Variants in DNAH10 observed in about 807,000 individuals in gnomAD.
DNAH10 encodes the protein dynein axonemal heavy chain 10.
Under a neutral mutation model 506.6 loss-of-function variants are expected in DNAH10, and 348 were observed. That is an observed-to-expected ratio of 0.69 (90% CI 0.63 to 0.75). DNAH10 has a LOEUF of 0.75. Among genes scored for constraint, DNAH10 ranks in the 30% least tolerant of loss-of-function variants. DNAH10 has a pLI of 0.00. For synonymous variants in DNAH10, 2,059 were observed against 2,198.6 expected (o/e 0.94, Z 1.78); for missense variants, 5,179 against 5,787.1 (o/e 0.89, Z 3.41).
chr12:123,836,405 G>T (rs1961132621), intron 28 of DNAH10, among the ~76,000 whole-genome samples: 1 of 152,156 alleles, frequency 6.6e-6, no homozygotes, highest in Non-Finnish European at 1.5e-5. Context: ...ACAGGTTCTT[G>T]CCTAATGCTT....
chr12:123,906,418 T>A (rs1252335039), intron 57 of DNAH10, among the ~76,000 whole-genome samples: 1 of 151,930 alleles, frequency 6.6e-6, no homozygotes, highest in Non-Finnish European at 1.5e-5. Flanking sequence ...ATGTTTGTAT[T>A]TTTAGTAGAG....
Position 123,916,852 on chromosome 12 carries a change from A to C in DNAH10, c.11002+116A>C. The C allele has an allele frequency of 1.3e-4, 168 of 1,293,248 alleles. No individual in the cohort carries two copies. The highest frequency in any genetic ancestry group is 1.5e-4 in the Non-Finnish European group (145 of 959,802). The allele number at this position is 1,293,248 out of a possible 1,614,324, so 80.1% of individuals were successfully genotyped here. On this transcript the variant is annotated intron_variant, in intron 63 of 78. Transcript: ENST00000673944. The surrounding 1 kb of genome is among the most constrained non-coding windows in gnomAD (Gnocchi z 4.6). ...CTCAGTGACCCCAGATCATTCTCTC[A>C]TAGGCACATCTGGACTAGTCAGCTC...
In DNAH10 at chr12:123,803,714, C is replaced by G. The variant is rs775181714; in HGVS notation, c.2668C>G (p.Leu890Val). The G allele has an allele frequency of 5.0e-6, 8 of 1,610,680 alleles. No individual in the cohort carries two copies. Among genetic ancestry groups the G allele is most frequent in the Non-Finnish European group, 6.8e-6 (8 of 1,179,052 alleles). ...CKQAIGKFES[L>V]VHQIHKNADD... ...ACAGGCCATTGGGAAATTTGAGTCT[C>G]TCGTCCACCAGATTCATAAGAATGC... The change falls in exon 17 of 79, where the codon CTC (leucine) becomes GTC (valine). Residue 890 changes from leucine to valine, a missense_variant. By Grantham distance (32) the Leu-to-Val change is conservative. This residue lies in a region of DNAH10 where 4,844 missense variants were observed against 5,430.5 expected (regional missense o/e 0.89). Coordinates refer to ENST00000673944, the MANE Select transcript of DNAH10 (RefSeq NM_001372106.1).
rs1957831232 is a variant in DNAH10, at chr12:123,785,870, T to C, written c.1355T>C (p.Met452Thr). 3 of 1,614,164 alleles carry C rather than the reference T, an allele frequency of 1.9e-6. No homozygotes were observed. The highest frequency in any genetic ancestry group is 1.3e-5 in the African/African-American group (1 of 75,060). ...AAAGACGAGAGGATGATTCCGCTCATGGAGCGCATCGCCTGGGAAATCGCT... is the reference window on the plus strand; with the variant it reads ...AAAGACGAGAGGATGATTCCGCTCACGGAGCGCATCGCCTGGGAAATCGCT... The part of the protein sequence containing the change: ...YNKDERMIPL[M>T]ERIAWEIAER... The change falls in exon 9 of 79, where the codon ATG becomes ACG. Residue 452 changes from methionine to threonine, a missense_variant. By Grantham distance (81) the Met-to-Thr change is moderately conservative (BLOSUM62 -1). Around this residue, in one of 3 missense-constraint regions of DNAH10, gnomAD observed 4,844 missense variants for 5,430.5 expected, o/e 0.89. Transcript: ENST00000673944. This position sits in a 1 kb window ranked among gnomAD's most constrained non-coding sequence, Gnocchi z 4.1.
In DNAH10 at chr12:123,922,234, G is replaced by A. The variant is rs566840236; in HGVS notation, c.11507-1529G>A. Among the ~76,000 whole-genome samples the A allele has an allele frequency of 1.1e-4, 16 of 151,652 alleles. 1 individual carries two copies. Among genetic ancestry groups the A allele is most frequent in the African/African-American group, 3.2e-4 (13 of 41,088 alleles). Reference sequence around the variant, plus strand: ...CTAAAAATACAAAAATTAGCTGGGCGTGTTGGCAGGCACCTGTAGTCCCAG... The same window carrying A: ...CTAAAAATACAAAAATTAGCTGGGCATGTTGGCAGGCACCTGTAGTCCCAG... On this transcript the variant is annotated intron_variant, in intron 65 of 78. Transcript: ENST00000673944.
At chr12:123,825,829 G>A (rs1199319951) in intron 24 of DNAH10, among the ~76,000 whole-genome samples, 1 of 152,176 alleles carries the variant, frequency 6.6e-6, no homozygotes, top group East Asian at 1.9e-4. Context: ...CAATAAAGCT[G>A]TTAGAAAAAC....
chr12:123,867,205 G>A (rs1951845564), intron 41 of DNAH10, among the ~76,000 whole-genome samples: 1 of 152,162 alleles, frequency 6.6e-6, no homozygotes, highest in African/African-American at 2.4e-5. Context: ...AATGGGACCT[G>A]TTATCTTCCC....
In DNAH10 at chr12:123,928,856, G is replaced by C. The variant is rs1012285080; in HGVS notation, c.12306+269G>C. On this transcript the variant is annotated intron_variant, in intron 70 of 78. Transcript: ENST00000673944. The surrounding 1 kb of genome is among the most constrained non-coding windows in gnomAD (Gnocchi z 4.9). ...TACGCTACTTTTCATAAACTTCACG[G>C]CCCCCCCCCCCACACACAGCCTGCA... 8.8e-5 allele frequency: 37 copies of C among 419,808 alleles called. No individual in the cohort carries two copies. The highest frequency in any genetic ancestry group is 2.1e-4 in the South Asian group (6 of 27,990). The allele number at this position is 419,808 out of a possible 1,614,324, so 26.0% of individuals were successfully genotyped here.
chr12:123,793,465 A>G (rs533770492), intron 11 of DNAH10, among the ~76,000 whole-genome samples: 13 of 151,670 alleles, frequency 8.6e-5, no homozygotes, highest in South Asian at 8.3e-4. Flanking sequence ...CAGCCTCCAG[A>G]GTACCTGGGA....
intron 26 of DNAH10, among the ~76,000 whole-genome samples, chr12:123,832,847 T>C (rs1483799585): frequency 2.0e-5 from 3 of 152,150 alleles, no homozygotes; most frequent in Non-Finnish European, 4.4e-5. Context: ...CTGTAAAATG[T>C]GGGTGATAAT....
At chr12:123,819,960 C>A (rs879731151) in intron 23 of DNAH10, among the ~76,000 whole-genome samples, 6 of 152,122 alleles carry the variant, frequency 3.9e-5, no homozygotes, top group South Asian at 2.1e-4. Context: ...CCGCCTCAGC[C>A]TCCCAAAGTG....
chr12:123,786,671 A>AGG (rs1957864873), intron 9 of DNAH10, among the ~76,000 whole-genome samples: 2 of 150,096 alleles, frequency 1.3e-5, no homozygotes, highest in Admixed American at 1.3e-4. Flanking sequence ...AGATACATAT[A>AGG]TGTGTGTGTG....
chr12:123,797,705 T>C (rs1379627065), intron 13 of DNAH10, among the ~76,000 whole-genome samples: 1 of 152,230 alleles, frequency 6.6e-6, no homozygotes, highest in Non-Finnish European at 1.5e-5. Context: ...CCTGTGTTCT[T>C]TCTCTTTGGC....
At chr12:123,894,236 G>A (rs147107262) in intron 53 of DNAH10, among the ~76,000 whole-genome samples, 6,312 of 151,480 alleles carry the variant, frequency 0.042, 176 homozygotes, top group Non-Finnish European at 0.062. Context: ...GACTATAGGC[G>A]CACACCACCA....
intron 43 of DNAH10, 128 bp downstream of exon 43, chr12:123,868,247 C>T (rs1171804957): frequency 1.2e-6 from 1 of 850,576 alleles, no homozygotes; most frequent in African/African-American, 1.7e-5. Context: ...TTTAGAGAAA[C>T]ATGCAATGGT....
In DNAH10 at chr12:123,826,703, G is replaced by A. The variant is rs1256113076; in HGVS notation, c.4196G>A (p.Trp1399Ter). The change falls in exon 25 of 79, where the codon TGG becomes TAG. Residue 1399 changes from tryptophan (W) to a stop codon, truncating the protein, a stop_gained. Coordinates refer to ENST00000673944, the MANE Select transcript of DNAH10 (RefSeq NM_001372106.1). LOFTEE classifies it high-confidence loss of function. ...YEGLKVAKEEWSQTLWINLNV... is the reference protein window; with the variant it reads ...YEGLKVAKEE Reference sequence around the variant, plus strand: ...CGTTTCCAGGTTGCAAAAGAAGAATGGTCTCAGACCCTTTGGATCAACCTG... The same window carrying A: ...CGTTTCCAGGTTGCAAAAGAAGAATAGTCTCAGACCCTTTGGATCAACCTG... The A allele has an allele frequency of 1.9e-6, 3 of 1,613,392 alleles. No homozygotes were observed. The South Asian group carries it at 3.3e-5, about 18-fold the overall frequency.
At chr12:123,771,428 T>C (rs1308516715) in intron 2 of DNAH10, among the ~76,000 whole-genome samples, 173 bp from the exon 3 acceptor site, 1 of 152,192 alleles carries the variant, frequency 6.6e-6, no homozygotes, top group African/African-American at 2.4e-5. Context: ...TCTTGTCAAT[T>C]ACAATGTGAG....
chr12:123,898,793 A>G lies in DNAH10; in HGVS notation c.9619A>G (p.Ile3207Val). The change falls in exon 56 of 79, where the codon ATC becomes GTC. Residue 3207 changes from isoleucine (I) to valine (V), a missense_variant. By Grantham distance (29) the Ile-to-Val change is conservative (BLOSUM62 3). Transcript: ENST00000673944. ...SAACEALLEE[I>V]AVNTAVAEEK... is the part of the protein sequence containing the mutation. Reference sequence around the variant, plus strand: ...CGCCTGCGAGGCCTTGCTGGAGGAGATCGCCGTCAACACCGCTGTAGGTGA... The same window carrying G: ...CGCCTGCGAGGCCTTGCTGGAGGAGGTCGCCGTCAACACCGCTGTAGGTGA... 1 of 1,610,936 alleles carries G rather than the reference A, an allele frequency of 6.2e-7. No homozygotes were observed.
At chr12:123,803,532 C>A in intron 16 of DNAH10, 129 bp from the exon 17 acceptor site, 1 of 922,548 alleles carries the variant, frequency 1.1e-6, no homozygotes, top group African/African-American at 1.7e-5. Context: ...GCCCAAAGAC[C>A]CAAGGGGTTG....
Sources: allele counts gnomAD v4.1 joint callset (sites outside exome capture counted in the v4.1 genomes callset), GRCh38; gene constraint gnomAD v4.1.1; regional missense constraint gnomAD v4.1.1; non-coding constraint Gnocchi (gnomAD v3.1); transcripts MANE v1.5; gene names NCBI Gene and HGNC (gene_info 2026-07-23, HGNC 2026-07-21).